ATP11C: variants seen among roughly 807,000 people sequenced by gnomAD.
ATP11C encodes ATPase phospholipid transporting 11C (ATP11C blood group), also known as phospholipid-transporting ATPase IG.
ATP11C carries 36 observed loss-of-function variants against 97.4 expected under a neutral mutation model. The observed-to-expected ratio is 0.37, with a 90% CI of 0.28 to 0.49. The LOEUF (loss-of-function observed/expected upper bound fraction) is 0.49. Ranked by LOEUF, ATP11C falls within the 20% of genes least tolerant of loss-of-function variation. ATP11C has a pLI of 0.98. For synonymous variants in ATP11C, 275 were observed against 290.9 expected, an observed-to-expected ratio of 0.95 and a Z score of 0.56; for missense variants, 730 against 824.6, an observed-to-expected ratio of 0.89 and a Z score of 1.40.
chrX:139,742,877 ATATATAT>A (rs1317898800), intron 26 of ATP11C, among the ~76,000 whole-genome samples: 734 of 68,340 alleles, frequency 0.011, 17 homozygotes, highest in African/African-American at 0.044. Flanking sequence ...AAAAAAAAAA[ATATATAT>A]ATATATATAT....
intron 26 of ATP11C, among the ~76,000 whole-genome samples, chrX:139,743,267 A>C (rs2081610142): frequency 9.1e-6 from 1 of 110,427 alleles, no homozygotes; most frequent in South Asian, 3.9e-4. Flanking sequence ...TAACGCCTTA[A>C]AAACAGCAAT....
intron 1 of ATP11C, among the ~76,000 whole-genome samples, chrX:139,884,775 A>C (rs1424249216): frequency 8.9e-6 from 1 of 112,352 alleles, no homozygotes; most frequent in Non-Finnish European, 1.9e-5. Flanking sequence ...TAAACAAACA[A>C]CTATAGAAAT....
chrX:139,871,952 A>C (rs1244359423), intron 1 of ATP11C, among the ~76,000 whole-genome samples: 1 of 111,711 alleles, frequency 9.0e-6, no homozygotes, highest in Non-Finnish European at 1.9e-5. Flanking sequence ...AAAGAGAATC[A>C]AAGAGACAGA....
intron 2 of ATP11C, among the ~76,000 whole-genome samples, chrX:139,821,784 C>T (rs1393177670): frequency 1.8e-5 from 2 of 112,166 alleles, no homozygotes; most frequent in Non-Finnish European, 1.9e-5. Flanking sequence ...AATAGTTTAG[C>T]ACACAGAAGA....
In ATP11C at chrX:139,887,936, A is replaced by C. The variant is rs1418006884; in HGVS notation, c.27+44080T>G. Among the ~76,000 whole-genome samples the C allele has an allele frequency of 6.1e-5, 6 of 98,495 alleles. No individual in the cohort carries two copies. In the Admixed American group the frequency reaches 6.9e-4, roughly 11 times the overall value. 85.5% of individuals were successfully genotyped at this position (98,495 alleles called of 115,157 possible). A position where few individuals can be genotyped will look rare whatever the true frequency, so the allele number is the denominator to read the frequency against. ...CAGTGAGCCGAGATCGCACCACTGC[A>C]CTCCAGCCTGGGCGATAGAGCAAGA... On this transcript the variant is annotated intron_variant, in intron 1 of 29. Coordinates refer to ENST00000682941, the MANE Select transcript of ATP11C (RefSeq NM_001353812.2).
intron 1 of ATP11C, among the ~76,000 whole-genome samples, chrX:139,924,476 T>C (rs953061540): frequency 1.8e-5 from 2 of 111,717 alleles, no homozygotes; most frequent in South Asian, 7.5e-4. Context: ...AGAGTTAACA[T>C]AGCAGGCCTG....
chrX:139,744,677 G>C (rs1569427733), intron 25 of ATP11C, among the ~76,000 whole-genome samples: 1 of 111,919 alleles, frequency 8.9e-6, no homozygotes, highest in East Asian at 2.8e-4. Flanking sequence ...TCTTACTGAT[G>C]GGCAAAACTG....
chrX:139,760,913 G>C (rs944304198), intron 22 of ATP11C, among the ~76,000 whole-genome samples: 10 of 112,088 alleles, frequency 8.9e-5, no homozygotes, highest in Admixed American at 1.9e-4. Context: ...TGATAGAAAA[G>C]TTTTAGAATT....
chrX:139,895,110 A>C (rs147416625), intron 1 of ATP11C, among the ~76,000 whole-genome samples: 2 of 112,621 alleles, frequency 1.8e-5, no homozygotes, highest in African/African-American at 6.4e-5. Flanking sequence ...CGGATATAAG[A>C]GATACTGGAA....
intron 1 of ATP11C, among the ~76,000 whole-genome samples, chrX:139,886,436 A>G (rs2084642846): frequency 9.1e-6 from 1 of 110,397 alleles, no homozygotes; most frequent in African/African-American, 3.3e-5. Flanking sequence ...TAAAAATACA[A>G]AAATTCGCTG....
intron 1 of ATP11C, among the ~76,000 whole-genome samples, chrX:139,840,451 G>T (rs1265204437): frequency 1.8e-5 from 2 of 112,548 alleles, no homozygotes; most frequent in Non-Finnish European, 3.7e-5. Context: ...TGATTAAACA[G>T]TTGATTAAAA....
chrX:139,871,245 T>C (rs2148016943), intron 1 of ATP11C, among the ~76,000 whole-genome samples: 1 of 106,399 alleles, frequency 9.4e-6, no homozygotes, highest in East Asian at 3.0e-4. Flanking sequence ...TCTTGCTCTG[T>C]CTGCCCAGGC....
rs1424500247 is a variant in ATP11C, at chrX:139,874,245, A to T, written c.28-47422T>A. Among the ~76,000 whole-genome samples the T allele has an allele frequency of 4.4e-5, 4 of 91,011 alleles. No homozygotes were observed. In the Admixed American group the frequency reaches 5.2e-4, roughly 12 times the overall value. The allele number at this position is 91,011 out of a possible 115,157, so 79.0% of individuals were successfully genotyped here. ...TTTTTTTTTTTTGTATTTTTAGCAGAGACAGGGTTTCACCATGTTGGCCAG... is the reference window on the plus strand; with the variant it reads ...TTTTTTTTTTTTGTATTTTTAGCAGTGACAGGGTTTCACCATGTTGGCCAG... On this transcript the variant is annotated intron_variant, in intron 1 of 29. Transcript: ENST00000682941.
At chrX:139,756,353 G>A (rs1212764526) in intron 23 of ATP11C, among the ~76,000 whole-genome samples, 1 of 112,092 alleles carries the variant, frequency 8.9e-6, no homozygotes, top group Non-Finnish European at 1.9e-5. Context: ...GCAGAGAAAA[G>A]GGAACACTTG....
chrX:139,803,241 C>G (rs2082962710), intron 6 of ATP11C, among the ~76,000 whole-genome samples: 1 of 112,496 alleles, frequency 8.9e-6, no homozygotes. Context: ...ATGTAGATTT[C>G]TTGATTTATA....
chrX:139,922,224 A>ATATATATC (rs2085273266), intron 1 of ATP11C, among the ~76,000 whole-genome samples: 1 of 1,258 alleles, frequency 7.9e-4, no homozygotes, highest in Non-Finnish European at 2.0e-3. Context: ...CCTTCTCTAA[A>ATATATATC]TATATATATA....
intron 3 of ATP11C, among the ~76,000 whole-genome samples, chrX:139,817,600 A>C (rs1183540751): frequency 8.9e-6 from 1 of 112,261 alleles, no homozygotes; most frequent in African/African-American, 3.2e-5. Flanking sequence ...ACATGAACAG[A>C]ACTGCATTTT....
chrX:139,741,009 A>G lies in ATP11C; in HGVS notation c.3116T>C (p.Phe1039Ser). The change falls in exon 27 of 30, where the codon TTC (phenylalanine) becomes TCC (serine). Residue 1039 changes from phenylalanine to serine, a missense_variant. By Grantham distance (155) the Phe-to-Ser change is radical. Coordinates refer to ENST00000682941, the MANE Select transcript of ATP11C (RefSeq NM_001353812.2). ...SLAFYVFFSF[F>S]WGGIIWPFLK... ...TGCTTACCAAATAATTCCTCCCCAG[A>G]AGAATGAGAAAAATACATAGAAGGC... 8.4e-7 allele frequency: 1 copy of G among 1,197,430 alleles called. No homozygotes were observed. Among genetic ancestry groups the G allele is most frequent in the Non-Finnish European group, 1.1e-6 (1 of 882,945 alleles).
intron 1 of ATP11C, among the ~76,000 whole-genome samples, chrX:139,912,416 C>T (rs2085092165): frequency 9.1e-6 from 1 of 110,393 alleles, no homozygotes; most frequent in Non-Finnish European, 1.9e-5. Context: ...TGTTATAATT[C>T]TCAAGTTGGG....
Sources: gnomAD v4.1 joint callset for allele counts (sites outside exome capture counted in the v4.1 genomes callset) on GRCh38, gnomAD v4.1.1 for gene constraint, MANE v1.5 for transcripts, NCBI Gene and HGNC (gene_info 2026-07-23, HGNC 2026-07-21) for gene names.